Variants in SLC35D2 observed in about 807,000 individuals in gnomAD.
SLC35D2 encodes the protein nucleotide sugar transporter SLC35D2.
Under a neutral mutation model 41.8 loss-of-function variants are expected in SLC35D2, and 43 were observed. That is an observed-to-expected ratio of 1.03 (90% CI 0.81 to 1.33). SLC35D2 has a LOEUF of 1.33. Ranked by LOEUF, SLC35D2 falls within the 40% of genes most tolerant of loss-of-function variation. The pLI, the probability that SLC35D2 is intolerant of heterozygous loss-of-function variation, is 0.00. For synonymous variants in SLC35D2, 150 were observed against 163.9 expected (o/e 0.92, Z 0.65); for missense variants, 380 against 408.4 (o/e 0.93, Z 0.60).
intron 8 of SLC35D2, among the ~76,000 whole-genome samples, chr9:96,343,364 C>A (rs184479235): frequency 1.8e-4 from 28 of 152,214 alleles, no homozygotes; most frequent in Admixed American, 1.6e-3. Context: ...GGTAAAATGG[C>A]GTGATGGCTG....
Position 96,351,186 on chromosome 9 carries a change from C to T in SLC35D2, c.420-15G>A, listed in dbSNP as rs543185119. 19 of 1,561,138 alleles carry T rather than the reference C, an allele frequency of 1.2e-5. No individual in the cohort carries two copies. The African/African-American group carries it at 1.8e-4, about 14-fold the overall frequency. On this transcript the variant is annotated splice_polypyrimidine_tract_variant and intron_variant, in intron 5 of 11. Transcript: ENST00000253270. ...AATACTGCTTCCTGTAATAAATACA[C>T]AAATAAGAAAGGAAAGGGAGCAGAG...
chr9:96,329,390 T>C (rs1564088643), intron 9 of SLC35D2, among the ~76,000 whole-genome samples: 1 of 151,922 alleles, frequency 6.6e-6, no homozygotes, highest in Non-Finnish European at 1.5e-5. Context: ...GCCACCACAT[T>C]TGCCTAACTT....
chr9:96,364,599 G>T lies in SLC35D2; in HGVS notation c.193-49C>A. On this transcript the variant is annotated intron_variant, in intron 2 of 11. Transcript: ENST00000253270. Reference sequence around the variant, plus strand: ...CTTCAGCAAAATATCTGCAAAGATTGCTTGAGGTACAATGACATCATCAAA... The same window carrying T: ...CTTCAGCAAAATATCTGCAAAGATTTCTTGAGGTACAATGACATCATCAAA... 3 of 1,063,346 alleles carry T rather than the reference G, an allele frequency of 2.8e-6. No homozygotes were observed. The South Asian group carries it at 3.9e-5, about 14-fold the overall frequency. 65.9% of individuals were successfully genotyped at this position (1,063,346 alleles called of 1,614,324 possible).
intron 9 of SLC35D2, among the ~76,000 whole-genome samples, chr9:96,326,757 G>C (rs1481967435): frequency 6.8e-6 from 1 of 147,788 alleles, no homozygotes; most frequent in Non-Finnish European, 1.5e-5. Context: ...AGTGAGCCGG[G>C]ATCGCACCAC....
Position 96,348,663 on chromosome 9 carries a change from T to A in SLC35D2, c.488+2440A>T, listed in dbSNP as rs73536840. On this transcript the variant is annotated intron_variant, in intron 6 of 11. Transcript: ENST00000253270. ...AGCTAAGCACTGTGGCTAAGCACTA[T>A]GAATGCCAGCTACCAGGTGGGGATC... Among the ~76,000 whole-genome samples, 371 of 152,312 alleles carry A rather than the reference T, an allele frequency of 2.4e-3. 1 individual carries two copies. Among genetic ancestry groups the A allele is most frequent in the African/African-American group, 8.3e-3 (346 of 41,566 alleles).
At chr9:96,336,818 T>C (rs913511269) in intron 8 of SLC35D2, 34 bp from the exon 9 acceptor site, 2 of 1,194,486 alleles carry the variant, frequency 1.7e-6, no homozygotes, top group South Asian at 1.3e-5. Context: ...AATGATTAGG[T>C]TAATAATACT....
At chr9:96,346,345 G>T (rs143405540) in intron 6 of SLC35D2, among the ~76,000 whole-genome samples, 16 of 152,342 alleles carry the variant, frequency 1.1e-4, no homozygotes, top group African/African-American at 3.8e-4. Context: ...TTGTGTAATT[G>T]TTAGAAAGTA....
At chr9:96,336,050 C>CAAAA (rs56681611) in intron 9 of SLC35D2, among the ~76,000 whole-genome samples, 2 of 110,262 alleles carry the variant, frequency 1.8e-5, no homozygotes, top group Non-Finnish European at 1.9e-5. Context: ...ACTCCATCTT[C>CAAAA]AAAAAAAAAA....
chr9:96,372,017 C>T (rs1269296446), intron 1 of SLC35D2, among the ~76,000 whole-genome samples: 4 of 152,156 alleles, frequency 2.6e-5, no homozygotes, highest in Non-Finnish European at 1.5e-5. Context: ...TGAGCCACCG[C>T]GCCCAGCCTG....
At chr9:96,358,799 G>A (rs905814335) in intron 4 of SLC35D2, among the ~76,000 whole-genome samples, 6 of 151,910 alleles carry the variant, frequency 3.9e-5, no homozygotes, top group African/African-American at 1.5e-4. Flanking sequence ...GACTAGCCTG[G>A]CCAACATGGT....
At chr9:96,380,711 G>T (rs1008459418) in intron 1 of SLC35D2, among the ~76,000 whole-genome samples, 1 of 151,868 alleles carries the variant, frequency 6.6e-6, no homozygotes, top group Admixed American at 6.6e-5. Flanking sequence ...CTGACCTCAT[G>T]ATCTGCCCAC....
chr9:96,368,334 T>C (rs899679072), intron 1 of SLC35D2, 29 bp from the exon 2 acceptor site: 1 of 1,589,604 alleles, frequency 6.3e-7, no homozygotes, highest in Non-Finnish European at 8.6e-7. Flanking sequence ...AACAAATCAG[T>C]TGAGCAAATA....
intron 8 of SLC35D2, among the ~76,000 whole-genome samples, chr9:96,337,753 G>A (rs190066716): frequency 1.3e-5 from 2 of 151,816 alleles, no homozygotes; most frequent in African/African-American, 4.8e-5. Flanking sequence ...AGGCCGAGGC[G>A]GGTAGATCAC....
At chr9:96,371,432 C>CT (rs1445131645) in intron 1 of SLC35D2, among the ~76,000 whole-genome samples, 3 of 122,106 alleles carry the variant, frequency 2.5e-5, no homozygotes, top group Admixed American at 1.1e-4. Context: ...GATCACGCCA[C>CT]TGCACTCTAT....
chr9:96,317,474 T>C (rs759979148), downstream of SLC35D2, among the ~76,000 whole-genome samples: 1 of 152,178 alleles, frequency 6.6e-6, no homozygotes, highest in South Asian at 2.1e-4. Context: ...CCAAGTTCTT[T>C]AGCTGTACAG....
At chr9:96,341,917 G>A (rs1040882594) in intron 8 of SLC35D2, among the ~76,000 whole-genome samples, 1 of 145,064 alleles carries the variant, frequency 6.9e-6, no homozygotes, top group African/African-American at 2.6e-5. Context: ...ATATTTAGGA[G>A]TTTCTAGATT....
At chr9:96,382,874 C>A (rs1831266719) in intron 1 of SLC35D2, among the ~76,000 whole-genome samples, 1 of 152,138 alleles carries the variant, frequency 6.6e-6, no homozygotes, top group African/African-American at 2.4e-5. Context: ...CAGGTGTTAA[C>A]CGGTGGAGCT....
At chr9:96,360,647 A>AG (rs576637071) in intron 3 of SLC35D2, among the ~76,000 whole-genome samples, 3,994 of 146,656 alleles carry the variant, frequency 0.027, 326 homozygotes, top group African/African-American at 0.099. Context: ...AAAAAAAAAA[A>AG]AAAAAAAGAA....
At position 96,360,153 on chromosome 9, in the gene SLC35D2, C is replaced by G; in HGVS notation, c.347+1G>C. 6.2e-7 allele frequency: 1 copy of G among 1,610,856 alleles called. No individual in the cohort carries two copies. Among genetic ancestry groups the G allele is most frequent in the Non-Finnish European group, 8.5e-7 (1 of 1,177,436 alleles). Reference sequence around the variant, plus strand: ...CCACCAGCCATTATCCTATACTCTACCTTAATTTACTTGTGCTTGATAATC... The same window carrying G: ...CCACCAGCCATTATCCTATACTCTAGCTTAATTTACTTGTGCTTGATAATC... On this transcript the variant is annotated splice_donor_variant, in intron 4 of 11. Coordinates refer to ENST00000253270, the MANE Select transcript of SLC35D2 (RefSeq NM_007001.3). LOFTEE classifies it high-confidence loss of function.
Sources: gnomAD v4.1 joint callset for allele counts (sites outside exome capture counted in the v4.1 genomes callset) on GRCh38, gnomAD v4.1.1 for gene constraint, MANE v1.5 for transcripts, NCBI Gene and HGNC (gene_info 2026-07-23, HGNC 2026-07-21) for gene names.